The following ZNF385D variants were observed in gnomAD, a reference collection of about 807,000 sequenced individuals.
ZNF385D encodes the protein zinc finger protein 659.
ZNF385D carries 15 observed loss-of-function variants against 35.8 expected under a neutral mutation model. That is an observed-to-expected ratio of 0.42 (90% CI 0.28 to 0.64). The LOEUF is 0.64. Among genes scored for constraint, ZNF385D ranks in the 30% least tolerant of loss-of-function variants. The pLI, the probability that ZNF385D is intolerant of heterozygous loss-of-function variation, is 0.23. For synonymous variants in ZNF385D, 212 were observed against 186.8 expected, an observed-to-expected ratio of 1.13 and a Z score of -1.10; for missense variants, 474 against 494.6, an observed-to-expected ratio of 0.96 and a Z score of 0.39.
chr3:21,953,349 G>A (rs912427813), intron 3 of ZNF385D, among the ~76,000 whole-genome samples: 7 of 151,160 alleles, frequency 4.6e-5, no homozygotes, highest in South Asian at 2.1e-4. Flanking sequence ...TGGAAAAAAC[G>A]TAAAATTGAC....
intron 2 of ZNF385D, among the ~76,000 whole-genome samples, chr3:22,310,140 A>G (rs931961369): frequency 6.6e-6 from 1 of 151,984 alleles, no homozygotes; most frequent in African/African-American, 2.4e-5. Context: ...ATCATTGACC[A>G]ATTTGGTGAC....
At chr3:22,112,063 T>C (rs115178875) in intron 3 of ZNF385D, among the ~76,000 whole-genome samples, 2,818 of 152,288 alleles carry the variant, frequency 0.019, 94 homozygotes, top group African/African-American at 0.064. Flanking sequence ...AAATTTACTT[T>C]ACTTGAGCAC....
At chr3:21,844,501 G>A (rs17009785) in intron 3 of ZNF385D, among the ~76,000 whole-genome samples, 5,922 of 151,660 alleles carry the variant, frequency 0.039, 396 homozygotes, top group African/African-American at 0.13. Flanking sequence ...GTGTCAAGTG[G>A]AGGATAACAT....
At chr3:21,567,576 A>AAATT (rs1553614287) in intron 2 of ZNF385D, among the ~76,000 whole-genome samples, 2 of 152,064 alleles carry the variant, frequency 1.3e-5, no homozygotes, top group Non-Finnish European at 2.9e-5. Context: ...GCTGACGGAA[A>AAATT]AATTAAAAGC....
intron 7 of ZNF385D, among the ~76,000 whole-genome samples, chr3:21,421,986 C>G (rs560315552): frequency 6.6e-6 from 1 of 152,126 alleles, no homozygotes; most frequent in Non-Finnish European, 1.5e-5. Context: ...CCTTTTCTCC[C>G]CTAAATTTTG....
chr3:21,904,668 A>C (rs1036240459), intron 3 of ZNF385D, among the ~76,000 whole-genome samples: 40 of 152,138 alleles, frequency 2.6e-4, no homozygotes, highest in African/African-American at 8.7e-4. Context: ...CACGGAGCAG[A>C]AGCATATTAT....
intron 3 of ZNF385D, among the ~76,000 whole-genome samples, chr3:21,899,152 A>G (rs1460191259): frequency 2.6e-5 from 4 of 152,078 alleles, no homozygotes; most frequent in Non-Finnish European, 2.9e-5. Context: ...TCCTACTAGC[A>G]TATAGCATCT....
At chr3:22,106,113 T>C (rs1702198408) in intron 3 of ZNF385D, among the ~76,000 whole-genome samples, 1 of 152,086 alleles carries the variant, frequency 6.6e-6, no homozygotes, top group Non-Finnish European at 1.5e-5. Context: ...TCTGATTTGA[T>C]AGGACTAAAG....
rs74351271 is a variant in ZNF385D, at chr3:22,335,254, A to T, written c.106+37196T>A. Among the ~76,000 whole-genome samples the T allele has an allele frequency of 3.9e-3, 601 of 152,276 alleles. 6 individuals are homozygous for T. The highest frequency in any genetic ancestry group is 0.028 in the East Asian group (144 of 5,190). ...CAATTTAAACATCACATTAGGTCAC[A>T]CCATGATCATGATGGCTTCAAACAA... On this transcript the variant is annotated intron_variant, in intron 2 of 5. Transcript: ENST00000494108.
At chr3:22,119,452 T>C (rs114329925) in intron 3 of ZNF385D, among the ~76,000 whole-genome samples, 2,690 of 152,248 alleles carry the variant, frequency 0.018, 64 homozygotes, top group African/African-American at 0.061. Flanking sequence ...TATGCTTTTG[T>C]TTGTGAATGC....
At chr3:21,491,759 T>G (rs902750240) in intron 4 of ZNF385D, among the ~76,000 whole-genome samples, 1 of 152,180 alleles carries the variant, frequency 6.6e-6, no homozygotes, top group Non-Finnish European at 1.5e-5. Flanking sequence ...GCTAAAATAC[T>G]TACTACATGA....
intron 1 of ZNF385D, among the ~76,000 whole-genome samples, chr3:21,723,318 A>C (rs964410987): frequency 6.6e-6 from 1 of 152,216 alleles, no homozygotes; most frequent in Non-Finnish European, 1.5e-5. Flanking sequence ...AATTGACCGA[A>C]GTATGCTTCA....
intron 3 of ZNF385D, among the ~76,000 whole-genome samples, chr3:22,108,306 G>T (rs905690533): frequency 6.6e-6 from 1 of 151,430 alleles, no homozygotes; most frequent in Non-Finnish European, 1.5e-5. Flanking sequence ...TCGAGTGTTC[G>T]ATTTTCTTGG....
At chr3:22,226,302 G>A (rs1022298211) in intron 2 of ZNF385D, among the ~76,000 whole-genome samples, 3 of 152,042 alleles carry the variant, frequency 2.0e-5, no homozygotes, top group African/African-American at 7.2e-5. Context: ...TGGATGCATG[G>A]GGCCTCAGCA....
At chr3:21,741,942 C>G (rs1028342716) in intron 1 of ZNF385D, among the ~76,000 whole-genome samples, 2 of 152,074 alleles carry the variant, frequency 1.3e-5, no homozygotes, top group African/African-American at 2.4e-5. Flanking sequence ...TATATTGAAA[C>G]CACAATACAA....
At chr3:22,310,565 G>T (rs1391319160) in intron 2 of ZNF385D, among the ~76,000 whole-genome samples, 1 of 151,810 alleles carries the variant, frequency 6.6e-6, no homozygotes, top group Admixed American at 6.6e-5. Context: ...TAAATTCCTA[G>T]AATTAGAATT....
rs923139473 is a variant in ZNF385D, at chr3:22,111,294, A to T, written c.325+57523T>A. 4.0e-5 allele frequency among the ~76,000 whole-genome samples: 6 copies of T among 151,120 alleles called. No homozygotes were observed. In the South Asian group the frequency reaches 6.3e-4, roughly 16 times the overall value. ...AGATTAGAAACTTCTAGAAGGCAGA[A>T]ATCTGCCCTGTGAACTTGGTAAATG... On this transcript the variant is annotated intron_variant, in intron 3 of 5. Coordinates refer to the ZNF385D transcript ENST00000494108.
At chr3:22,187,765 C>T (rs939088078) in intron 2 of ZNF385D, among the ~76,000 whole-genome samples, 1 of 152,026 alleles carries the variant, frequency 6.6e-6, no homozygotes, top group African/African-American at 2.4e-5. Context: ...TGTGTAGAGT[C>T]GTATGTTTAT....
chr3:22,185,459 C>A (rs574651612), intron 2 of ZNF385D, among the ~76,000 whole-genome samples: 1 of 151,944 alleles, frequency 6.6e-6, no homozygotes, highest in South Asian at 2.1e-4. Context: ...TATGATCTAC[C>A]CATTCAATGT....
Sources: allele counts gnomAD v4.1 joint callset (sites outside exome capture counted in the v4.1 genomes callset), GRCh38; gene constraint gnomAD v4.1.1; transcripts MANE v1.5; gene names NCBI Gene and HGNC (gene_info 2026-07-23, HGNC 2026-07-21).